The following TMEM230 variants were observed in gnomAD, a reference collection of about 807,000 sequenced individuals.
TMEM230 encodes transmembrane protein 230, also known as UPF0414 transmembrane protein C20orf30.
TMEM230 carries 10 observed loss-of-function variants against 15.8 expected under a neutral mutation model. The ratio of observed to expected loss-of-function variants is 0.63; its 90% CI spans 0.39 to 1.07. The LOEUF is 1.07. Ranked by LOEUF, TMEM230 falls within the 50% of genes least tolerant of loss-of-function variation. The probability of loss-of-function intolerance (pLI) is 0.01; values close to 1 mark genes in which losing one functional copy is unlikely to be tolerated. For missense variants in TMEM230, 165 were observed against 193.3 expected (o/e 0.85, Z 0.87); for synonymous variants, 67 against 76.9 (o/e 0.87, Z 0.68).
intron 3 of TMEM230, among the ~76,000 whole-genome samples, chr20:5,085,281 TTG>T (rs1179351305): frequency 1.3e-5 from 2 of 151,946 alleles, no homozygotes; most frequent in African/African-American, 4.8e-5. Flanking sequence ...GAATCTTTTT[TTG>T]TTTTTCTTTT....
chr20:5,102,117 T>C (rs1408959409), intron 4 of TMEM230, among the ~76,000 whole-genome samples: 1 of 152,178 alleles, frequency 6.6e-6, no homozygotes, highest in East Asian at 1.9e-4. Context: ...TTTGCCTACC[T>C]GCCACCACCT....
chr20:5,101,770 TC>T (rs1282613774), intron 4 of TMEM230, among the ~76,000 whole-genome samples: 1 of 152,086 alleles, frequency 6.6e-6, no homozygotes, highest in East Asian at 1.9e-4. Context: ...CAGAATTGGT[TC>T]AAGACAACTT....
intron 3 of TMEM230, among the ~76,000 whole-genome samples, chr20:5,089,226 T>C (rs919757122): frequency 6.6e-6 from 1 of 151,748 alleles, no homozygotes; most frequent in African/African-American, 2.4e-5. Context: ...TACAAAAAAA[T>C]TAGCCGGGCG....
chr20:5,111,755 A>G, intron 1 of TMEM230: 6 of 977,898 alleles, frequency 6.1e-6, no homozygotes, highest in Non-Finnish European at 7.3e-6. Context: ...AATGGTGGTT[A>G]GTACTTACCT....
intron 3 of TMEM230, chr20:5,069,369 T>G: frequency 6.6e-7 from 1 of 1,520,274 alleles, no homozygotes; most frequent in Non-Finnish European, 8.8e-7. Flanking sequence ...AAACACCCCT[T>G]CTCAATTCCA....
intron 4 of TMEM230, among the ~76,000 whole-genome samples, chr20:5,103,264 C>T (rs182762707): frequency 6.6e-6 from 1 of 152,148 alleles, no homozygotes; most frequent in Non-Finnish European, 1.5e-5. Context: ...GAGTTTAAGA[C>T]CAGCCTGGGC....
intron 3 of TMEM230, among the ~76,000 whole-genome samples, chr20:5,074,276 G>T (rs542278296): frequency 6.6e-6 from 1 of 152,054 alleles, no homozygotes; most frequent in African/African-American, 2.4e-5. Flanking sequence ...CATTTGTAAG[G>T]GTGTCTTTCT....
chr20:5,091,527 T>C (rs139499313), intron 3 of TMEM230, among the ~76,000 whole-genome samples: 1 of 152,208 alleles, frequency 6.6e-6, no homozygotes, highest in East Asian at 1.9e-4. Flanking sequence ...GCTATTTTTG[T>C]TGTTTTTTTT....
chr20:5,090,570 A>G (rs569062702), intron 3 of TMEM230, among the ~76,000 whole-genome samples: 1 of 152,332 alleles, frequency 6.6e-6, no homozygotes, highest in Non-Finnish European at 1.5e-5. Context: ...TTTGGGCTTA[A>G]CTAGAGACAG....
chr20:5,069,427 A>G (rs746499296), intron 3 of TMEM230: 13 of 1,422,334 alleles, frequency 9.1e-6, no homozygotes, highest in Non-Finnish European at 1.2e-5. Flanking sequence ...ATTGTCAAGA[A>G]ATCACATCTT....
chr20:5,089,945 G>C (rs1436557244), intron 3 of TMEM230, among the ~76,000 whole-genome samples: 1 of 152,138 alleles, frequency 6.6e-6, no homozygotes, highest in Non-Finnish European at 1.5e-5. Context: ...CTTGAACCTG[G>C]GGGGCGGAGG....
At chr20:5,105,953 C>A (rs1010131207) in intron 4 of TMEM230, among the ~76,000 whole-genome samples, 1 of 152,020 alleles carries the variant, frequency 6.6e-6, no homozygotes, top group Non-Finnish European at 1.5e-5. Flanking sequence ...GTAGTCCCAG[C>A]TACTCGGGAG....
intron 2 of TMEM230, among the ~76,000 whole-genome samples, chr20:5,110,533 A>G (rs960400507): frequency 6.6e-5 from 10 of 151,974 alleles, no homozygotes; most frequent in Admixed American, 1.3e-4. Flanking sequence ...GTTCTGCCCA[A>G]CTCAGCCTTC....
At chr20:5,090,566 C>CTA (rs2089479397) in intron 3 of TMEM230, among the ~76,000 whole-genome samples, 1 of 152,060 alleles carries the variant, frequency 6.6e-6, no homozygotes, top group Non-Finnish European at 1.5e-5. Flanking sequence ...TCAGTTTGGG[C>CTA]TTAACTAGAG....
intron 4 of TMEM230, among the ~76,000 whole-genome samples, chr20:5,104,187 C>T (rs2089981652): frequency 6.6e-6 from 1 of 152,128 alleles, no homozygotes; most frequent in Admixed American, 6.5e-5. Context: ...AAATGCAAAT[C>T]AAGACTACAA....
intron 3 of TMEM230, among the ~76,000 whole-genome samples, chr20:5,087,145 A>G (rs561016044): frequency 6.6e-6 from 1 of 152,248 alleles, no homozygotes; most frequent in Admixed American, 6.5e-5. Flanking sequence ...AAGTGCTGGG[A>G]TTATAGGCAT....
At chr20:5,090,224 C>T (rs75163971) in intron 3 of TMEM230, among the ~76,000 whole-genome samples, 6,236 of 152,162 alleles carry the variant, frequency 0.041, 383 homozygotes, top group African/African-American at 0.14. Flanking sequence ...AGAAAATTCC[C>T]TAACACTAAA....
chr20:5,072,498 G>C (rs2088859954), intron 3 of TMEM230, among the ~76,000 whole-genome samples: 1 of 151,806 alleles, frequency 6.6e-6, no homozygotes, highest in African/African-American at 2.4e-5. Flanking sequence ...GTAGGAAAGA[G>C]TGTTTTTTTC....
the TMEM230 span, among the ~76,000 whole-genome samples, chr20:5,062,373 TA>T: frequency 0.093 from 12,731 of 137,378 alleles, 1,724 homozygotes; most frequent in African/African-American, 0.3. Flanking sequence ...CTGTCTCAAT[TA>T]AAAAAAAAAA....
Sources: allele counts gnomAD v4.1 joint callset (sites outside exome capture counted in the v4.1 genomes callset), GRCh38; gene constraint gnomAD v4.1.1; transcripts MANE v1.5; gene names NCBI Gene and HGNC (gene_info 2026-07-23, HGNC 2026-07-21).